KCNQ5: variants seen among roughly 807,000 people sequenced by gnomAD.
KCNQ5 encodes potassium voltage-gated channel subfamily Q member 5.
Under a neutral mutation model 98.2 loss-of-function variants are expected in KCNQ5, and 30 were observed. That is an observed-to-expected ratio of 0.31 (90% CI 0.23 to 0.41). KCNQ5 has a LOEUF of 0.41. Ranked by LOEUF, KCNQ5 falls within the 10% of genes least tolerant of loss-of-function variation. The pLI is 1.00. For missense variants in KCNQ5, 835 were observed against 1,182.5 expected (o/e 0.71, Z 4.31); for synonymous variants, 458 against 449.4 (o/e 1.02, Z -0.24).
rs1187567336 is a variant in KCNQ5 at position 73,195,881 on chromosome 6, G to A, written c.*467G>A. 1 of 158,918 alleles carries A rather than the reference G, an allele frequency of 6.3e-6. No individual in the cohort carries two copies. Among genetic ancestry groups the A allele is most frequent in the Admixed American group, 5.9e-5 (1 of 17,030 alleles). The allele number at this position is 158,918 out of a possible 1,614,324, so 9.8% of individuals were successfully genotyped here. On this transcript the variant is annotated 3_prime_UTR_variant, in exon 14 of 14. Coordinates refer to ENST00000370398, the MANE Select transcript of KCNQ5 (RefSeq NM_019842.4). ...TAAGGTATCAACTAAAGCAGAATTGGGGAATAATAGAAATGGCTGCTTATT... is the reference window on the plus strand; with the variant it reads ...TAAGGTATCAACTAAAGCAGAATTGAGGAATAATAGAAATGGCTGCTTATT...
chr6:72,706,230 A>G (rs541016608), intron 1 of KCNQ5, among the ~76,000 whole-genome samples: 8 of 152,098 alleles, frequency 5.3e-5, no homozygotes, highest in Admixed American at 1.3e-4. Flanking sequence ...ATTATTTCTT[A>G]TTTTATTAAA....
At chr6:72,980,793 T>C (rs577858545) in intron 1 of KCNQ5, among the ~76,000 whole-genome samples, 86 of 152,332 alleles carry the variant, frequency 5.6e-4, no homozygotes, top group African/African-American at 1.8e-3. Context: ...CCATTCAGTA[T>C]GATATTGGTT....
At chr6:72,885,962 C>A (rs1778828639) in intron 1 of KCNQ5, among the ~76,000 whole-genome samples, 1 of 152,160 alleles carries the variant, frequency 6.6e-6, no homozygotes, top group South Asian at 2.1e-4. Context: ...CTTGAGTTCA[C>A]ATTATCTGTG....
chr6:72,704,570 C>G (rs1311318649), intron 1 of KCNQ5, among the ~76,000 whole-genome samples: 1 of 151,582 alleles, frequency 6.6e-6, no homozygotes, highest in African/African-American at 2.4e-5. Flanking sequence ...TGACATATGC[C>G]TATAGAAATT....
rs569264860 is a variant in KCNQ5 at position 72,749,475 on chromosome 6, C to A, written c.398+126888C>A. Among the ~76,000 whole-genome samples, 3 of 152,104 alleles carry A rather than the reference C, an allele frequency of 2.0e-5. No homozygotes were observed. In the South Asian group the frequency reaches 6.2e-4, roughly 32 times the overall value. ...ATGTGGAAAAATTAAAAAAAAATTT[C>A]TCAGACTTTAATTCAGGTAATACCT... On this transcript the variant is annotated intron_variant, in intron 1 of 13. Coordinates refer to ENST00000370398, the MANE Select transcript of KCNQ5 (RefSeq NM_019842.4).
intron 1 of KCNQ5, among the ~76,000 whole-genome samples, chr6:72,849,744 G>A (rs1382327396): frequency 6.6e-6 from 1 of 152,210 alleles, no homozygotes; most frequent in Non-Finnish European, 1.5e-5. Context: ...TCTTCAAGAG[G>A]ATTCATCAAC....
At chr6:72,758,364 A>AT (rs1210623224) in intron 1 of KCNQ5, among the ~76,000 whole-genome samples, 1 of 151,970 alleles carries the variant, frequency 6.6e-6, no homozygotes, top group African/African-American at 2.4e-5. Flanking sequence ...TGTTAGAACT[A>AT]TTTTTTCTAT....
chr6:72,887,499 G>C (rs1778891369), intron 1 of KCNQ5, among the ~76,000 whole-genome samples: 2 of 152,088 alleles, frequency 1.3e-5, no homozygotes, highest in African/African-American at 2.4e-5. Context: ...CAGAAGATCT[G>C]AGATACAAGA....
intron 1 of KCNQ5, among the ~76,000 whole-genome samples, chr6:72,870,447 C>T (rs1477403349): frequency 2.6e-5 from 4 of 151,918 alleles, no homozygotes; most frequent in Admixed American, 6.6e-5. Context: ...CATGGGGTTT[C>T]GCCATGTTGT....
At chr6:72,824,389 CA>C (rs1775893115) in intron 1 of KCNQ5, among the ~76,000 whole-genome samples, 1 of 151,992 alleles carries the variant, frequency 6.6e-6, no homozygotes, top group African/African-American at 2.4e-5. Flanking sequence ...TTTCTTGTAT[CA>C]AAATATCTGA....
chr6:73,076,553 C>T (rs183132889), intron 3 of KCNQ5, among the ~76,000 whole-genome samples: 101 of 152,254 alleles, frequency 6.6e-4, no homozygotes, highest in African/African-American at 2.3e-3. Flanking sequence ...TTAGAAAAGG[C>T]AGATTTTTTC....
chr6:72,654,077 A>G (rs1766014164), intron 1 of KCNQ5, among the ~76,000 whole-genome samples: 1 of 152,082 alleles, frequency 6.6e-6, no homozygotes, highest in African/African-American at 2.4e-5. Flanking sequence ...CCAGAATAAG[A>G]CAATAGGAAC....
chr6:72,900,640 A>G (rs1779462992), intron 1 of KCNQ5, among the ~76,000 whole-genome samples: 1 of 151,532 alleles, frequency 6.6e-6, no homozygotes, highest in Non-Finnish European at 1.5e-5. Flanking sequence ...TTTTCGCATA[A>G]TGACTCCTTT....
chr6:72,760,630 A>G (rs1393713939), intron 1 of KCNQ5, among the ~76,000 whole-genome samples: 1 of 152,112 alleles, frequency 6.6e-6, no homozygotes. Context: ...CAAAGCTAAT[A>G]TAGACAGGAT....
At chr6:72,964,385 T>C (rs1055557908) in intron 1 of KCNQ5, among the ~76,000 whole-genome samples, 38 of 152,234 alleles carry the variant, frequency 2.5e-4, no homozygotes, top group African/African-American at 8.7e-4. Context: ...TTTCTAAGAA[T>C]ATTTGCAGCC....
chr6:72,773,394 T>C (rs1042506166), intron 1 of KCNQ5, among the ~76,000 whole-genome samples: 2 of 151,910 alleles, frequency 1.3e-5, no homozygotes, highest in African/African-American at 4.8e-5. Context: ...TATGTGGGAG[T>C]TGAGCGATGA....
chr6:73,156,176 A>G (rs1777355548), intron 10 of KCNQ5, among the ~76,000 whole-genome samples: 1 of 152,232 alleles, frequency 6.6e-6, no homozygotes, highest in South Asian at 2.1e-4. Flanking sequence ...ATTTAAATAC[A>G]ACCAGCAGCA....
Position 72,809,957 on chromosome 6 carries a change from A to C in KCNQ5, c.398+187370A>C, listed in dbSNP as rs535036800. Among the ~76,000 whole-genome samples, 9 of 152,286 alleles carry C rather than the reference A, an allele frequency of 5.9e-5. No individual in the cohort carries two copies. In the East Asian group the frequency reaches 1.7e-3, roughly 29 times the overall value. On this transcript the variant is annotated intron_variant, in intron 1 of 13. Transcript: ENST00000370398. ...CAGTATTTTTAGAGGCACATGTCAC[A>C]GTTTCTGTTTGCTTCTGTTGTGACT...
intron 10 of KCNQ5, among the ~76,000 whole-genome samples, chr6:73,140,414 T>C (rs923155106): frequency 3.9e-5 from 6 of 152,218 alleles, no homozygotes; most frequent in Non-Finnish European, 8.8e-5. Context: ...ATTATAATTT[T>C]CCACATGATG....
Sources: allele counts gnomAD v4.1 joint callset (sites outside exome capture counted in the v4.1 genomes callset), GRCh38; gene constraint gnomAD v4.1.1; transcripts MANE v1.5; gene names NCBI Gene and HGNC (gene_info 2026-07-23, HGNC 2026-07-21).